CFAP54: variants seen among roughly 807,000 people sequenced by gnomAD.
The protein encoded by CFAP54 is cilia- and flagella-associated protein 54.
In CFAP54, 290 loss-of-function variants were observed where a neutral mutation model predicts 370.4. The ratio of observed to expected loss-of-function variants is 0.78; its 90% CI spans 0.71 to 0.86. The LOEUF (loss-of-function observed/expected upper bound fraction) is 0.86, where lower values mean the gene tolerates loss of function less well. Among genes scored for constraint, CFAP54 ranks in the 40% least tolerant of loss-of-function variants. The pLI is 0.00. For synonymous variants in CFAP54, 1,206 were observed against 1,236.5 expected (o/e 0.98, Z 0.52); for missense variants, 3,399 against 3,528.7 (o/e 0.96, Z 0.93).
chr12:96,665,914 T>C (rs1436508549), intron 39 of CFAP54, among the ~76,000 whole-genome samples: 1 of 152,232 alleles, frequency 6.6e-6, no homozygotes, highest in African/African-American at 2.4e-5. Flanking sequence ...TTGGGCAATA[T>C]GACTGTTTTA....
intron 19 of CFAP54, among the ~76,000 whole-genome samples, chr12:96,567,807 G>C (rs1955877666): frequency 6.6e-6 from 1 of 152,002 alleles, no homozygotes; most frequent in East Asian, 1.9e-4. Flanking sequence ...GAACATACCG[G>C]GACTGAGATA....
chr12:96,781,053 A>C (rs1958575527), intron 60 of CFAP54, among the ~76,000 whole-genome samples: 1 of 152,144 alleles, frequency 6.6e-6, no homozygotes, highest in Non-Finnish European at 1.5e-5. Flanking sequence ...TGTAGAAAAA[A>C]GAAAGGAAAG....
chr12:96,561,746 C>T (rs4323922), intron 17 of CFAP54, among the ~76,000 whole-genome samples: 123,479 of 137,014 alleles, frequency 0.9, 55,716 homozygotes, highest in East Asian at 0.96. Context: ...CACACACACA[C>T]ATGTATATAT....
chr12:96,740,924 GC>G (rs1457057343), intron 51 of CFAP54, among the ~76,000 whole-genome samples: 1 of 152,186 alleles, frequency 6.6e-6, no homozygotes, highest in East Asian at 1.9e-4. Context: ...CTACAGGACA[GC>G]CCTCCACAGC....
intron 67 of CFAP54, among the ~76,000 whole-genome samples, chr12:96,874,186 C>T (rs974188554): frequency 9.9e-5 from 15 of 152,146 alleles, no homozygotes; most frequent in African/African-American, 3.6e-4. Context: ...AACTCTGCTT[C>T]CTTAAAATGG....
At chr12:96,685,624 T>C (rs575861242) in intron 42 of CFAP54, among the ~76,000 whole-genome samples, 98 of 152,156 alleles carry the variant, frequency 6.4e-4, no homozygotes, top group African/African-American at 2.3e-3. Context: ...TGATCTCAGC[T>C]CACTGCAACC....
At chr12:96,524,775 T>C (rs951740862) in intron 8 of CFAP54, among the ~76,000 whole-genome samples, 1 of 152,202 alleles carries the variant, frequency 6.6e-6, no homozygotes, top group African/African-American at 2.4e-5. Flanking sequence ...TATTTAAAGA[T>C]GGAACCAGAC....
At chr12:96,810,050 G>C (rs1310764619) in intron 63 of CFAP54, among the ~76,000 whole-genome samples, 2 of 152,114 alleles carry the variant, frequency 1.3e-5, no homozygotes, top group Non-Finnish European at 2.9e-5. Flanking sequence ...CCGGGAGAGA[G>C]GAGGCAAGGG....
At chr12:96,722,891 A>G (rs540541592) in intron 50 of CFAP54, among the ~76,000 whole-genome samples, 1 of 152,254 alleles carries the variant, frequency 6.6e-6, no homozygotes, top group South Asian at 2.1e-4. Flanking sequence ...GTGGTCATTA[A>G]CTGAAATGGG....
At chr12:96,723,956 A>G (rs1565954638) in intron 50 of CFAP54, among the ~76,000 whole-genome samples, 1 of 150,644 alleles carries the variant, frequency 6.6e-6, no homozygotes, top group Non-Finnish European at 1.5e-5. Flanking sequence ...GCAATAGTTT[A>G]CTGAGAATGA....
chr12:96,741,186 A>T (rs1483703840), intron 51 of CFAP54, among the ~76,000 whole-genome samples: 1 of 151,762 alleles, frequency 6.6e-6, no homozygotes, highest in African/African-American at 2.4e-5. Context: ...TTTTTTTTTG[A>T]GACGGAGTCT....
Position 96,500,909 on chromosome 12 carries a change from G to GA in CFAP54, c.395dup (p.Val133GlyfsTer4), listed in dbSNP as rs1565875987. 6 of 1,535,464 alleles carry GA rather than the reference G, an allele frequency of 3.9e-6. No homozygotes were observed. The highest frequency in any genetic ancestry group is 4.4e-6 in the Non-Finnish European group (5 of 1,146,480). On this transcript the variant is annotated frameshift_variant, in exon 2 of 68. Transcript: ENST00000524981. LOFTEE classifies it high-confidence loss of function. ...CAGACTATTACAACGAAAAGCTTCT[G>GA]AAGGTTGGAGATAGCCTTTGTCAAA...
chr12:96,682,410 C>T, intron 40 of CFAP54: 1 of 678,470 alleles, frequency 1.5e-6, no homozygotes, highest in Non-Finnish European at 1.8e-6. Context: ...TTTTGTCATC[C>T]AGGCTGGAGT....
At position 96,792,472 on chromosome 12, in the gene CFAP54, T is replaced by C. The variant is rs766830198; in HGVS notation, c.8823T>C (p.Asp2941=). 6.5e-7 allele frequency: 1 copy of C among 1,535,680 alleles called. No homozygotes were observed. The highest frequency in any genetic ancestry group is 1.2e-5 in the South Asian group (1 of 84,012). The change falls in exon 63 of 68, where the codon GAT becomes GAC. Residue 2941 remains aspartate, a synonymous_variant. Coordinates refer to ENST00000524981, the MANE Select transcript of CFAP54 (RefSeq NM_001306084.2). ...LCFQWYIPPL[D]RPPKETEPMV... The stretch of plus-strand genomic sequence containing the variant: ...TTCAATGGTACATTCCTCCCCTGGA[T>C]AGACCTCCCAAGGAGACAGAACCTA...
chr12:96,554,954 A>G, intron 17 of CFAP54, 152 bp downstream of exon 17: 1 of 617,938 alleles, frequency 1.6e-6, no homozygotes, highest in Non-Finnish European at 2.4e-6. Context: ...ATCAATAAAA[A>G]CATAATTAAA....
At chr12:96,793,174 C>T (rs1712545232) in intron 63 of CFAP54, among the ~76,000 whole-genome samples, 1 of 152,094 alleles carries the variant, frequency 6.6e-6, no homozygotes, top group African/African-American at 2.4e-5. Flanking sequence ...ACACTGTACC[C>T]TGCCTCACCC....
chr12:96,557,827 A>C (rs1385727468), intron 17 of CFAP54, among the ~76,000 whole-genome samples: 4 of 151,966 alleles, frequency 2.6e-5, no homozygotes, highest in Non-Finnish European at 4.4e-5. Flanking sequence ...AATTGATAAA[A>C]CTGTATATTA....
intron 20 of CFAP54, among the ~76,000 whole-genome samples, chr12:96,579,952 G>GA (rs1228232538): frequency 6.6e-6 from 1 of 151,544 alleles, no homozygotes; most frequent in South Asian, 2.1e-4. Context: ...ATAAATTGGA[G>GA]AAAAAAATTG....
chr12:96,664,729 A>ATATATC (rs1555283156), intron 39 of CFAP54, among the ~76,000 whole-genome samples: 2 of 13,290 alleles, frequency 1.5e-4, no homozygotes. Flanking sequence ...ATATATCTAT[A>ATATATC]TATATATATC....
Sources: allele counts gnomAD v4.1 joint callset (sites outside exome capture counted in the v4.1 genomes callset), GRCh38; gene constraint gnomAD v4.1.1; transcripts MANE v1.5; gene names NCBI Gene and HGNC (gene_info 2026-07-23, HGNC 2026-07-21).